The following GNG7 variants were observed in gnomAD, a reference collection of about 807,000 sequenced individuals.
The protein encoded by GNG7 is G protein subunit gamma 7.
Under a neutral mutation model 4.0 loss-of-function variants are expected in GNG7, and 1 was observed. The ratio of observed to expected loss-of-function variants is 0.25; its 90% CI spans 0.09 to 1.18. The LOEUF is 1.18. Among genes scored for constraint, GNG7 ranks in the 50% most tolerant of loss-of-function variants. The pLI is 0.50. For synonymous variants in GNG7, 34 were observed against 36.9 expected, an observed-to-expected ratio of 0.92 and a Z score of 0.29; for missense variants, 86 against 91.9, an observed-to-expected ratio of 0.94 and a Z score of 0.26.
At chr19:2,607,015 T>A (rs1281430709) in intron 2 of GNG7, among the ~76,000 whole-genome samples, 1 of 149,890 alleles carries the variant, frequency 6.7e-6, no homozygotes, top group Non-Finnish European at 1.5e-5. Context: ...GAGCCCAGGA[T>A]TTTGAGACCA....
At chr19:2,701,742 A>T (rs1215873297) in intron 1 of GNG7, among the ~76,000 whole-genome samples, 1 of 96,754 alleles carries the variant, frequency 1.0e-5, no homozygotes, top group Non-Finnish European at 2.1e-5. Context: ...CCTCAACCCC[A>T]CTCCCAGCTC....
At chr19:2,644,330 T>TAC (rs1982601927) in intron 2 of GNG7, among the ~76,000 whole-genome samples, 2 of 2,958 alleles carry the variant, frequency 6.8e-4, no homozygotes, top group African/African-American at 2.6e-3. Context: ...CTACACTTTA[T>TAC]ATATATATAT....
chr19:2,524,626 C>A (rs1273892377), intron 3 of GNG7, among the ~76,000 whole-genome samples: 2 of 152,158 alleles, frequency 1.3e-5, no homozygotes, highest in Non-Finnish European at 2.9e-5. Context: ...GTGCATGTGT[C>A]TATATGAGTG....
At chr19:2,588,374 AGCACGACGCGGCTCTCT>A (rs1980737971) in intron 2 of GNG7, among the ~76,000 whole-genome samples, 1 of 152,208 alleles carries the variant, frequency 6.6e-6, no homozygotes, top group South Asian at 2.1e-4. Context: ...GAGATAAACC[AGCACGACGCGGCTCTCT>A]GCAAAGCGAC....
At chr19:2,566,852 C>A (rs1979925359) in intron 2 of GNG7, among the ~76,000 whole-genome samples, 1 of 152,120 alleles carries the variant, frequency 6.6e-6, no homozygotes, top group Non-Finnish European at 1.5e-5. Context: ...CCTGTAATCC[C>A]AGCACTTTGG....
At chr19:2,683,786 T>C (rs142002493) in intron 1 of GNG7, 2,409 of 152,412 alleles carry the variant, frequency 0.016, 33 homozygotes, top group Middle Eastern at 0.031. Flanking sequence ...TGCCTGGGGC[T>C]GACCGGCTCT....
intron 1 of GNG7, among the ~76,000 whole-genome samples, chr19:2,686,531 T>C (rs975583506): frequency 2.0e-5 from 3 of 152,134 alleles, no homozygotes; most frequent in African/African-American, 7.2e-5. Context: ...GCCTGCTTGC[T>C]TCAGTCTCCA....
intron 3 of GNG7, among the ~76,000 whole-genome samples, chr19:2,547,469 C>G (rs977885288): frequency 1.3e-5 from 2 of 152,042 alleles, no homozygotes; most frequent in Admixed American, 6.5e-5. Flanking sequence ...TGACTCTCAC[C>G]CTCCTGCCTC....
intron 2 of GNG7, among the ~76,000 whole-genome samples, chr19:2,607,138 T>C (rs1981408610): frequency 6.6e-6 from 1 of 151,634 alleles, no homozygotes; most frequent in Non-Finnish European, 1.5e-5. Flanking sequence ...GGAGGATCAC[T>C]TGAGCCCAGG....
chr19:2,635,748 A>G (rs1238279187), intron 2 of GNG7, among the ~76,000 whole-genome samples: 1 of 152,006 alleles, frequency 6.6e-6, no homozygotes, highest in Non-Finnish European at 1.5e-5. Flanking sequence ...ACACCCAGCT[A>G]ATTTTTGTAT....
At position 2,651,232 on chromosome 19, in the gene GNG7, CTTCCTTCCTTCCT is replaced by C. The variant is rs1240637447; in HGVS notation, c.-134-4965_-134-4953del. 6.1e-3 allele frequency among the ~76,000 whole-genome samples: 588 copies of C among 96,900 alleles called. 9 individuals are homozygous for C. Among genetic ancestry groups the C allele is most frequent in the African/African-American group, 0.016 (557 of 35,032 alleles). 63.6% of individuals were successfully genotyped at this position (96,900 alleles called of 152,430 possible). ...TCCAGATCTCTGTCCGACTTCCTTC[CTTCCTTCCTTCCT>C]TTCCTTCCTTCCTTCCTTCCTTCCT... is the stretch of plus-strand genomic sequence containing the variant. On this transcript the variant is annotated intron_variant, in intron 1 of 4. Transcript: ENST00000382159.
rs192334281 is a variant in GNG7 at position 2,590,078 on chromosome 19, C to T, written c.-77-34890G>A. 1.5e-3 allele frequency among the ~76,000 whole-genome samples: 225 copies of T among 152,340 alleles called. 1 individual carries two copies. Among genetic ancestry groups the T allele is most frequent in the African/African-American group, 5.2e-3 (217 of 41,568 alleles). Reference sequence around the variant, plus strand: ...CCACCTGCCTCGGCCTCCCAAAGTGCTGGGATTAGAGGTGTGTGAGTCACT... The same window carrying T: ...CCACCTGCCTCGGCCTCCCAAAGTGTTGGGATTAGAGGTGTGTGAGTCACT... On this transcript the variant is annotated intron_variant, in intron 2 of 4. Transcript: ENST00000382159.
rs891055700 is a variant in GNG7 at position 2,576,084 on chromosome 19, C to A, written c.-77-20896G>T. On this transcript the variant is annotated intron_variant, in intron 2 of 4. Coordinates refer to ENST00000382159, the MANE Select transcript of GNG7 (RefSeq NM_052847.3). ...TCAGGTACACGCAGACATGCAGACA[C>A]ACACACAGACACACACAGAACCAGA... is the stretch of plus-strand genomic sequence containing the variant. 2.0e-4 allele frequency among the ~76,000 whole-genome samples: 15 copies of A among 74,984 alleles called. No homozygotes were observed. The East Asian group carries it at 3.9e-3, about 20-fold the overall frequency. The allele number at this position is 74,984 out of a possible 152,430, so 49.2% of individuals were successfully genotyped here. A position where few individuals can be genotyped will look rare whatever the true frequency, so the allele number is the denominator to read the frequency against.
intron 3 of GNG7, chr19:2,538,537 A>G (rs183172390): frequency 6.2e-4 from 217 of 352,614 alleles, no homozygotes; most frequent in African/African-American, 4.5e-3. Context: ...AGGCTGAGGC[A>G]GGAAGACTGC....
Position 2,695,024 on chromosome 19 carries a change from T to G in GNG7, c.-135+7622A>C, listed in dbSNP as rs1018655129. 3.3e-5 allele frequency among the ~76,000 whole-genome samples: 5 copies of G among 152,144 alleles called. No individual in the cohort carries two copies. In the East Asian group the frequency reaches 5.8e-4, roughly 18 times the overall value. ...CCTCCACGTTTACAAAAAAAAGTTTTAATTAGCTGGGCATGGTGGCGTGCA... is the reference window on the plus strand; with the variant it reads ...CCTCCACGTTTACAAAAAAAAGTTTGAATTAGCTGGGCATGGTGGCGTGCA... On this transcript the variant is annotated intron_variant, in intron 1 of 4. Transcript: ENST00000382159.
chr19:2,524,510 A>G (rs73516630), intron 3 of GNG7, among the ~76,000 whole-genome samples: 15,843 of 152,306 alleles, frequency 0.1, 883 homozygotes, highest in Middle Eastern at 0.16. Flanking sequence ...ATGAGTGTGC[A>G]TATATGCGTG....
chr19:2,542,183 C>T (rs898170067), intron 3 of GNG7, among the ~76,000 whole-genome samples: 2 of 138,484 alleles, frequency 1.4e-5, no homozygotes, highest in Admixed American at 8.0e-5. Flanking sequence ...GGCGTGATCT[C>T]GGCTCACCGC....
chr19:2,658,098 G>A (rs1599446523), intron 1 of GNG7, among the ~76,000 whole-genome samples: 1 of 152,088 alleles, frequency 6.6e-6, no homozygotes, highest in Non-Finnish European at 1.5e-5. Flanking sequence ...TGGTCCCCCG[G>A]GCCCAGCTGT....
chr19:2,691,434 C>G (rs952678437), intron 1 of GNG7, among the ~76,000 whole-genome samples: 1 of 152,046 alleles, frequency 6.6e-6, no homozygotes, highest in African/African-American at 2.4e-5. Flanking sequence ...GTCCCAGCTA[C>G]TCAGGAGGCT....
Sources: gnomAD v4.1 joint callset for allele counts (sites outside exome capture counted in the v4.1 genomes callset) on GRCh38, gnomAD v4.1.1 for gene constraint, MANE v1.5 for transcripts, NCBI Gene and HGNC (gene_info 2026-07-23, HGNC 2026-07-21) for gene names.